Variants in TAGLN2 observed in about 807,000 individuals in gnomAD.
TAGLN2 encodes transgelin-2.
A neutral mutation model predicts 24.9 loss-of-function variants in TAGLN2; 14 were observed. The observed-to-expected ratio is 0.56, with a 90% CI of 0.37 to 0.88. The LOEUF (loss-of-function observed/expected upper bound fraction) is 0.88, where lower values mean the gene tolerates loss of function less well. Ranked by LOEUF, TAGLN2 falls within the 40% of genes least tolerant of loss-of-function variation. TAGLN2 has a pLI of 0.00. For synonymous variants in TAGLN2, 77 were observed against 98.2 expected (o/e 0.78, Z 1.28); for missense variants, 208 against 258.9 (o/e 0.80, Z 1.35).
At chr1:159,921,078 G>A (rs1650516990) in intron 1 of TAGLN2, among the ~76,000 whole-genome samples, 1 of 152,204 alleles carries the variant, frequency 6.6e-6, no homozygotes, top group Admixed American at 6.5e-5. Flanking sequence ...AGGTCCTTGA[G>A]GGATTTCAGC....
chr1:159,923,240 C>T (rs1650592836), intron 1 of TAGLN2, among the ~76,000 whole-genome samples: 1 of 152,204 alleles, frequency 6.6e-6, no homozygotes, highest in African/African-American at 2.4e-5. Context: ...TGGGGGACCC[C>T]CAGAGCTGGG....
At chr1:159,922,244 C>T (rs188797310) in intron 1 of TAGLN2, among the ~76,000 whole-genome samples, 8 of 152,366 alleles carry the variant, frequency 5.3e-5, no homozygotes, top group Middle Eastern at 3.4e-3. Flanking sequence ...CCTCCCGTCC[C>T]GACTCCAACA....
At chr1:159,922,807 C>G (rs1190247965) in intron 1 of TAGLN2, among the ~76,000 whole-genome samples, 1 of 152,230 alleles carries the variant, frequency 6.6e-6, no homozygotes, top group Non-Finnish European at 1.5e-5. Flanking sequence ...CAGTGCCCCC[C>G]AACCCCCCAA....
In TAGLN2 at chr1:159,919,696, G is replaced by A; in HGVS notation, c.320C>T (p.Thr107Ile). ...GTCCACAGTTTGGAAGATGTCAGTG[G>A]TGTTAATGCCATAGCGCTCAGCTGC... ...LQAAERYGINTTDIFQTVDLW... is the reference protein window; with the variant it reads ...LQAAERYGINITDIFQTVDLW... The change falls in exon 3 of 5, where the codon ACC becomes ATC. Residue 107 changes from threonine to isoleucine, a missense_variant. Thr to Ile is a moderately conservative substitution (Grantham distance 89). Coordinates refer to ENST00000368097, the MANE Select transcript of TAGLN2 (RefSeq NM_003564.3). 1 of 1,613,308 alleles carries A rather than the reference G, an allele frequency of 6.2e-7. No individual in the cohort carries two copies. The highest frequency in any genetic ancestry group is 2.2e-5 in the East Asian group (1 of 44,884).
At chr1:159,923,386 G>A in intron 1 of TAGLN2, 1 of 1,542,056 alleles carries the variant, frequency 6.5e-7, no homozygotes, top group South Asian at 1.2e-5. Context: ...AAACGGGGAG[G>A]GGCCACGCAA....
Position 159,918,772 on chromosome 1 carries a change from G to C in TAGLN2, c.*28C>G. ...CTACATATATATTAACCATTCGTGGGAGGGCAGGGGCAAGGCCTGGGGTGG... is the reference window on the plus strand; with the variant it reads ...CTACATATATATTAACCATTCGTGGCAGGGCAGGGGCAAGGCCTGGGGTGG... On this transcript the variant is annotated 3_prime_UTR_variant, in exon 5 of 5. Coordinates refer to ENST00000368097, the MANE Select transcript of TAGLN2 (RefSeq NM_003564.3). 2 of 1,609,374 alleles carry C rather than the reference G, an allele frequency of 1.2e-6. No homozygotes were observed. Among genetic ancestry groups the C allele is most frequent in the Non-Finnish European group, 1.7e-6 (2 of 1,177,522 alleles).
chr1:159,923,616 A>G, intron 1 of TAGLN2: 1 of 791,642 alleles, frequency 1.3e-6, no homozygotes, highest in Non-Finnish European at 1.9e-6. Flanking sequence ...AGAGCAGCAC[A>G]GTGAGGGCAC....
intron 1 of TAGLN2, among the ~76,000 whole-genome samples, chr1:159,921,649 T>C (rs570535993): frequency 4.6e-5 from 7 of 152,224 alleles, no homozygotes; most frequent in Non-Finnish European, 8.8e-5. Flanking sequence ...CCCTGGGTGA[T>C]ATTTTTGGGG....
chr1:159,918,722 G>A lies in TAGLN2; in HGVS notation c.*78C>T. On this transcript the variant is annotated 3_prime_UTR_variant, in exon 5 of 5. Coordinates refer to ENST00000368097, the MANE Select transcript of TAGLN2 (RefSeq NM_003564.3). ...AGCTTGAGAGCTCTGGGGCTCTCTG[G>A]GAATGTCACTGCTAAAATATATATC... 2 of 1,543,216 alleles carry A rather than the reference G, an allele frequency of 1.3e-6. No homozygotes were observed. Among genetic ancestry groups the A allele is most frequent in the Non-Finnish European group, 1.8e-6 (2 of 1,140,464 alleles).
chr1:159,925,193 A>T (rs769460448), intron 1 of TAGLN2: 1 of 152,148 alleles, frequency 6.6e-6, no homozygotes, highest in South Asian at 2.1e-4. Flanking sequence ...GGTGGGGCTC[A>T]GTCCCTGAGT....
intron 1 of TAGLN2, chr1:159,924,409 A>C (rs999797288): frequency 1.3e-5 from 2 of 152,374 alleles, no homozygotes; most frequent in Non-Finnish European, 2.9e-5. Flanking sequence ...GCCCCGTCCC[A>C]GCCGCAGGTC....
intron 1 of TAGLN2, among the ~76,000 whole-genome samples, chr1:159,922,292 A>G (rs1210755877): frequency 6.6e-6 from 1 of 152,088 alleles, no homozygotes; most frequent in Non-Finnish European, 1.5e-5. Flanking sequence ...CAAGCTGCAC[A>G]TTTCCGGCAG....
intron 1 of TAGLN2, among the ~76,000 whole-genome samples, chr1:159,922,071 T>C (rs1483816328): frequency 6.6e-6 from 1 of 152,198 alleles, no homozygotes; most frequent in Non-Finnish European, 1.5e-5. Flanking sequence ...AGGTTGGCCT[T>C]CAGGGATGAA....
intron 1 of TAGLN2, among the ~76,000 whole-genome samples, chr1:159,921,771 T>A (rs146108755): frequency 6.6e-6 from 1 of 152,182 alleles, no homozygotes; most frequent in Non-Finnish European, 1.5e-5. Context: ...ATGGCCTGAG[T>A]TGGCGGACCT....
intron 1 of TAGLN2, among the ~76,000 whole-genome samples, chr1:159,923,158 CAAACAT>C (rs946882686): frequency 1.3e-5 from 2 of 152,348 alleles, no homozygotes; most frequent in Non-Finnish European, 2.9e-5. Flanking sequence ...TGCCTTCCCT[CAAACAT>C]AAAGAAAACA....
intron 2 of TAGLN2, 52 bp downstream of exon 2, chr1:159,920,278 G>T: frequency 1.2e-6 from 2 of 1,613,722 alleles, no homozygotes; most frequent in South Asian, 2.2e-5. Flanking sequence ...CAGTCCACTG[G>T]ACCCAGTCCT....
At chr1:159,923,380 G>C in intron 1 of TAGLN2, 1 of 1,535,390 alleles carries the variant, frequency 6.5e-7, no homozygotes, top group Admixed American at 2.0e-5. Context: ...GGCGGGAAAC[G>C]GGGAGGGGCC....
In TAGLN2 at chr1:159,919,263, G is replaced by A; in HGVS notation, c.458+11C>T. Reference sequence around the variant, plus strand: ...CCTGCTGGACCCTGCGGCTGTCCCAGCAATACTTACTTAGGGAACCAGTTG... The same window carrying A: ...CCTGCTGGACCCTGCGGCTGTCCCAACAATACTTACTTAGGGAACCAGTTG... On this transcript the variant is annotated intron_variant, in intron 4 of 4. Coordinates refer to ENST00000368097, the MANE Select transcript of TAGLN2 (RefSeq NM_003564.3). 1 of 1,612,306 alleles carries A rather than the reference G, an allele frequency of 6.2e-7. No individual in the cohort carries two copies. The highest frequency in any genetic ancestry group is 8.5e-7 in the Non-Finnish European group (1 of 1,178,346).
rs1394190535 is a variant in TAGLN2, at chr1:159,923,319, C to T, written c.-29+2131G>A. 5.7e-6 allele frequency: 7 copies of T among 1,219,158 alleles called. No individual in the cohort carries two copies. In the Admixed American group the frequency reaches 7.5e-5, roughly 13 times the overall value. The allele number at this position is 1,219,158 out of a possible 1,614,324, so 75.5% of individuals were successfully genotyped here. ...TGGCAGGGAGCAACCTAAACCCTAG[C>T]GCTACTGCAGCTGTGAGAACAACCC... is the stretch of plus-strand genomic sequence containing the variant. On this transcript the variant is annotated intron_variant, in intron 1 of 4. Transcript: ENST00000368097.
Sources: allele counts gnomAD v4.1 joint callset (sites outside exome capture counted in the v4.1 genomes callset), GRCh38; gene constraint gnomAD v4.1.1; transcripts MANE v1.5; gene names NCBI Gene and HGNC (gene_info 2026-07-23, HGNC 2026-07-21).